L3HYPDH: variants seen among roughly 807,000 people sequenced by gnomAD.
The protein encoded by L3HYPDH is trans-3-hydroxy-L-proline dehydratase.
Under a neutral mutation model 26.5 loss-of-function variants are expected in L3HYPDH, and 32 were observed. The observed-to-expected ratio is 1.21, with a 90% CI of 0.91 to 1.62. The LOEUF is 1.62. L3HYPDH is among the 40% of genes most tolerant of loss of function. L3HYPDH has a pLI of 0.00. For synonymous variants in L3HYPDH, 215 were observed against 196.6 expected, an observed-to-expected ratio of 1.09 and a Z score of -0.78; for missense variants, 554 against 476.4, an observed-to-expected ratio of 1.16 and a Z score of -1.52.
upstream of L3HYPDH, chr14:59,485,264 C>T (rs1253105): frequency 4.4e-6 from 3 of 683,766 alleles, no homozygotes; most frequent in Non-Finnish European, 6.8e-6. Context: ...CAATTCCTTA[C>T]CTTCTGCATT....
the L3HYPDH span, among the ~76,000 whole-genome samples, chr14:59,494,606 G>A: frequency 6.6e-6 from 1 of 152,226 alleles, no homozygotes. Context: ...CAGAGGTATG[G>A]ATGGGGAGGA....
the L3HYPDH span, among the ~76,000 whole-genome samples, chr14:59,490,177 C>T: frequency 6.6e-6 from 1 of 152,198 alleles, no homozygotes; most frequent in African/African-American, 2.4e-5. Flanking sequence ...CTGCCTCAGC[C>T]TCCCAAAGTG....
intron 2 of L3HYPDH, 134 bp from the exon 3 acceptor site, chr14:59,476,348 A>G: frequency 1.6e-6 from 1 of 636,844 alleles, no homozygotes; most frequent in Non-Finnish European, 2.6e-6. Context: ...GGCAACGTAT[A>G]CTAATTGCTA....
downstream of L3HYPDH, among the ~76,000 whole-genome samples, chr14:59,469,885 G>A (rs529988229): frequency 3.3e-5 from 5 of 152,282 alleles, no homozygotes; most frequent in East Asian, 7.7e-4. Context: ...GGAAAACCAT[G>A]GGAATGAATG....
chr14:59,503,916 T>G, the L3HYPDH span: 1 of 1,613,710 alleles, frequency 6.2e-7, no homozygotes, highest in Middle Eastern at 1.6e-4. Context: ...ACTGGTTACT[T>G]CATGCCTATG....
At chr14:59,476,995 CT>C (rs1161678081) in intron 2 of L3HYPDH, among the ~76,000 whole-genome samples, 1 of 152,186 alleles carries the variant, frequency 6.6e-6, no homozygotes. Context: ...ACAATTAGTA[CT>C]TTCTACTTCC....
In L3HYPDH at chr14:59,484,052, G is replaced by A. The variant is rs199979710; in HGVS notation, c.265C>T (p.His89Tyr). The A allele has an allele frequency of 4.4e-6, 7 of 1,606,850 alleles. No homozygotes were observed. The highest frequency in any genetic ancestry group is 4.0e-5 in the African/African-American group (3 of 75,032). Residue 89 changes from histidine (H) to tyrosine (Y), a missense_variant, in exon 1 of 5, where the codon CAT (histidine) becomes TAT (tyrosine). By Grantham distance (83) the His-to-Tyr change is moderately conservative. Transcript: ENST00000247194. Reference sequence around the variant, plus strand: ...TTGTGCAGGAACAGGACGCCCAGATGCGCGTCCGGCAGCTCGCTCGGGACT... The same window carrying A: ...TTGTGCAGGAACAGGACGCCCAGATACGCGTCCGGCAGCTCGCTCGGGACT... ...VLVPSELPDA[H>Y]LGVLFLHNEG...
At chr14:59,484,661 T>C (rs1890369737), upstream of L3HYPDH, 2 of 1,539,476 alleles carry the variant, frequency 1.3e-6, no homozygotes, top group Non-Finnish European at 1.8e-6. Flanking sequence ...ACGGCTGGCC[T>C]CGGGCTCGGC....
intron 4 of L3HYPDH, among the ~76,000 whole-genome samples, chr14:59,474,229 A>G (rs186922912): frequency 6.6e-6 from 1 of 152,266 alleles, no homozygotes; most frequent in African/African-American, 2.4e-5. Context: ...GCCAAGAAGC[A>G]GGTATCCCTG....
At chr14:59,493,089 C>T in the L3HYPDH span, among the ~76,000 whole-genome samples, 27 of 152,214 alleles carry the variant, frequency 1.8e-4, no homozygotes, top group African/African-American at 5.5e-4. Context: ...TGAGCCACCA[C>T]GCCCAGCCAA....
chr14:59,494,447 A>T, the L3HYPDH span, among the ~76,000 whole-genome samples: 3 of 152,320 alleles, frequency 2.0e-5, no homozygotes, highest in African/African-American at 7.2e-5. Context: ...TAGAAAAAAA[A>T]TCTCAGAAGA....
upstream of L3HYPDH, chr14:59,484,551 C>T (rs1400757046): frequency 6.4e-7 from 1 of 1,565,832 alleles, no homozygotes. Context: ...GCCAGATCCG[C>T]TGATCTAGTG....
chr14:59,484,721 G>A (rs923819703), upstream of L3HYPDH: 4 of 1,221,110 alleles, frequency 3.3e-6, no homozygotes, highest in African/African-American at 3.0e-5. Context: ...CCTTGACCCC[G>A]CCCGCCCTCG....
At chr14:59,485,013 G>A (rs1890419583), upstream of L3HYPDH, 2 of 1,597,158 alleles carry the variant, frequency 1.3e-6, no homozygotes, top group Middle Eastern at 1.6e-4. Context: ...GTCACAAAGG[G>A]CAGGACCGCT....
Position 59,475,961 on chromosome 14 carries a change from A to C in L3HYPDH, c.847T>G (p.Leu283Val). ...TGSGVTARIA[L>V]QYHKGLLELN... ...TCCAGAAGCCCTTTGTGATACTGTAAGGCAATTCGGGCTGTCACTCCTGAG... is the reference window on the plus strand; with the variant it reads ...TCCAGAAGCCCTTTGTGATACTGTACGGCAATTCGGGCTGTCACTCCTGAG... The change falls in exon 4 of 5, where the codon TTA (leucine) becomes GTA (valine). Residue 283 changes from leucine to valine, a missense_variant. Coordinates refer to ENST00000247194, the MANE Select transcript of L3HYPDH (RefSeq NM_144581.2). 6.2e-7 allele frequency: 1 copy of C among 1,613,972 alleles called. No homozygotes were observed. Among genetic ancestry groups the C allele is most frequent in the Non-Finnish European group, 8.5e-7 (1 of 1,179,888 alleles).
chr14:59,484,549 C>G (rs765748835), upstream of L3HYPDH: 29 of 1,564,596 alleles, frequency 1.9e-5, no homozygotes, highest in Non-Finnish European at 2.3e-5. Flanking sequence ...CTGCCAGATC[C>G]GCTGATCTAG....
intron 1 of L3HYPDH, among the ~76,000 whole-genome samples, chr14:59,481,734 T>C (rs574151319): frequency 3.9e-5 from 6 of 152,190 alleles, no homozygotes; most frequent in Admixed American, 6.5e-5. Flanking sequence ...AGCACTATTC[T>C]AGAAAATTGA....
At chr14:59,465,672 G>A (rs1236358095) in intron 1 of L3HYPDH, among the ~76,000 whole-genome samples, 1 of 152,158 alleles carries the variant, frequency 6.6e-6, no homozygotes, top group Admixed American at 6.5e-5. Flanking sequence ...GGGAGTGGTG[G>A]GGGGGGCACT....
chr14:59,495,073 A>G, the L3HYPDH span: 15 of 1,613,804 alleles, frequency 9.3e-6, no homozygotes, highest in Non-Finnish European at 1.3e-5. Context: ...CATGGCAGCT[A>G]TTATCACCTT....
Sources: allele counts gnomAD v4.1 joint callset (sites outside exome capture counted in the v4.1 genomes callset), GRCh38; gene constraint gnomAD v4.1.1; transcripts MANE v1.5; gene names NCBI Gene and HGNC (gene_info 2026-07-23, HGNC 2026-07-21).